The following IGF2R variants were observed in gnomAD, a reference collection of about 807,000 sequenced individuals.
IGF2R encodes the protein cation-independent mannose-6-phosphate receptor.
A neutral mutation model predicts 270.6 loss-of-function variants in IGF2R; 91 were observed. The observed-to-expected ratio is 0.34, with a 90% CI of 0.28 to 0.40. The LOEUF (loss-of-function observed/expected upper bound fraction) is 0.40, where lower values mean the gene tolerates loss of function less well. IGF2R is among the 10% of genes least tolerant of loss of function. The pLI is 1.00. For synonymous variants in IGF2R, 1,316 were observed against 1,258.9 expected (o/e 1.05, Z -0.96); for missense variants, 2,805 against 3,188.3 (o/e 0.88, Z 2.90).
intron 1 of IGF2R, 97 bp downstream of exon 1, chr6:159,969,492 C>T: frequency 1.4e-5 from 13 of 939,822 alleles, no homozygotes; most frequent in Non-Finnish European, 1.2e-5. Context: ...CTGGGGTCTC[C>T]AAGTCGCCTC....
chr6:160,103,680 G>A (rs1031040763), intron 46 of IGF2R, 66 bp from the exon 47 acceptor site: 9 of 1,132,422 alleles, frequency 7.9e-6, no homozygotes, highest in Admixed American at 6.8e-5. Flanking sequence ...TGGGGCTGGC[G>A]GGGGTGGGGC....
intron 5 of IGF2R, among the ~76,000 whole-genome samples, chr6:160,024,956 G>A (rs528900308): frequency 2.6e-5 from 4 of 152,026 alleles, no homozygotes; most frequent in South Asian, 2.1e-4. Context: ...GTGTTCTCTC[G>A]GCCAGACACC....
intron 1 of IGF2R, among the ~76,000 whole-genome samples, chr6:159,980,500 G>A (rs1783782846): frequency 6.6e-6 from 1 of 151,202 alleles, no homozygotes; most frequent in Non-Finnish European, 1.5e-5. Flanking sequence ...AAGGTGGAGA[G>A]GGGCAGCCCC....
intron 23 of IGF2R, 109 bp from the exon 24 acceptor site, chr6:160,061,390 CAGTT>C: frequency 1.1e-6 from 1 of 928,896 alleles, no homozygotes; most frequent in Non-Finnish European, 1.7e-6. Flanking sequence ...CTTATCCTCA[CAGTT>C]AGGAATGCCA....
rs763280318 is a variant in IGF2R, at chr6:160,075,941, A to G, written c.5261A>G (p.Lys1754Arg). 7 of 1,614,232 alleles carry G rather than the reference A, an allele frequency of 4.3e-6. No homozygotes were observed. In the South Asian group the frequency reaches 4.4e-5, roughly 10 times the overall value. Residue 1754 changes from lysine to arginine, a missense_variant, in exon 36 of 48, where the codon AAG (lysine) becomes AGG (arginine). Around this residue, in one of 2 missense-constraint regions of IGF2R, gnomAD observed 1,851 missense variants for 2,207.2 expected, o/e 0.84. Transcript: ENST00000356956. ...FESSTPCLAD[K>R]HFNYTSLIAF... is the part of the protein sequence containing the mutation. ...AGCAGTACTCCTTGCTTAGCGGACA[A>G]GCATTTCAACTACACCTCGCTCATC...
intron 28 of IGF2R, 123 bp downstream of exon 28, chr6:160,064,654 C>A: frequency 2.5e-6 from 3 of 1,205,958 alleles, no homozygotes; most frequent in Non-Finnish European, 3.6e-6. Context: ...TTTAAAATAA[C>A]CATTTACAGA....
In IGF2R at chr6:160,079,757, A is replaced by C; in HGVS notation, c.5656A>C (p.Ser1886Arg). 1.4e-6 allele frequency: 2 copies of C among 1,466,488 alleles called. No homozygotes were observed. Among genetic ancestry groups the C allele is most frequent in the Non-Finnish European group, 1.8e-6 (2 of 1,105,714 alleles). The allele number at this position is 1,466,488 out of a possible 1,614,324, so 90.8% of individuals were successfully genotyped here. ...GCACCAGGATGAAGCGGTCGTTTTA[A>C]GTTACGTGAATGGTGATCGTTGCCC... ...YRHQDEAVVL[S>R]YVNGDRCPPE... Residue 1886 changes from serine to arginine, a missense_variant, in exon 38 of 48, where the codon AGT (serine) becomes CGT (arginine). Coordinates refer to ENST00000356956, the MANE Select transcript of IGF2R (RefSeq NM_000876.4).
At chr6:160,053,112 C>T (rs569988799) in intron 19 of IGF2R, among the ~76,000 whole-genome samples, 33 of 152,200 alleles carry the variant, frequency 2.2e-4, no homozygotes, top group African/African-American at 5.8e-4. Flanking sequence ...ACCTTCTGCA[C>T]GGCAAAAGAA....
At chr6:160,073,728 G>A in intron 34 of IGF2R, 29 bp from the exon 35 acceptor site, 1 of 1,579,602 alleles carries the variant, frequency 6.3e-7, no homozygotes, top group Non-Finnish European at 8.7e-7. Flanking sequence ...TTTTTTTGTA[G>A]ACTCAAAGCA....
intron 2 of IGF2R, chr6:160,003,451 G>C (rs1784161374): frequency 6.6e-6 from 1 of 152,142 alleles, no homozygotes; most frequent in Non-Finnish European, 1.5e-5. Context: ...AGAAGAAGTA[G>C]TACTATATGT....
intron 14 of IGF2R, 138 bp downstream of exon 14, chr6:160,046,020 C>A (rs1380642358): frequency 3.0e-6 from 2 of 675,152 alleles, no homozygotes; most frequent in Non-Finnish European, 4.7e-6. Context: ...TTCTGAACAT[C>A]CGATGTTTGA....
chr6:160,062,557 A>C lies in IGF2R; in HGVS notation c.3608A>C (p.Asp1203Ala). The stretch of plus-strand genomic sequence containing the variant: ...GGCTCACCAGCATTTCAGCTTCAGG[A>C]TGGTTGTGAGTACGTGTTTATCTGG... ...ISGSPAFQLQ[D>A]GCEYVFIWRT... The change falls in exon 26 of 48, where the codon GAT (aspartate) becomes GCT (alanine). Residue 1203 changes from aspartate to alanine, a missense_variant. Asp to Ala is a moderately radical substitution (Grantham distance 126). Around this residue, in one of 2 missense-constraint regions of IGF2R, gnomAD observed 1,851 missense variants for 2,207.2 expected, o/e 0.84. Transcript: ENST00000356956. 3 of 1,613,714 alleles carry C rather than the reference A, an allele frequency of 1.9e-6. No homozygotes were observed. Among genetic ancestry groups the C allele is most frequent in the Non-Finnish European group, 2.5e-6 (3 of 1,179,678 alleles).
chr6:160,035,882 G>T (rs948489360), intron 10 of IGF2R, among the ~76,000 whole-genome samples: 15 of 152,286 alleles, frequency 9.8e-5, no homozygotes, highest in Admixed American at 7.2e-4. Context: ...TCTGGGCTGG[G>T]TGCAGGGGTC....
intron 41 of IGF2R, among the ~76,000 whole-genome samples, chr6:160,086,639 A>T (rs1779102463): frequency 6.6e-6 from 1 of 152,238 alleles, no homozygotes; most frequent in East Asian, 1.9e-4. Context: ...AGTTTTAAAA[A>T]TTTTCCGTAA....
chr6:160,067,814 C>T (rs1372116834), intron 29 of IGF2R, among the ~76,000 whole-genome samples: 5 of 152,172 alleles, frequency 3.3e-5, no homozygotes, highest in African/African-American at 9.7e-5. Flanking sequence ...TAACTGCTGG[C>T]GGCCTTGGTT....
rs547309245 is a variant in IGF2R at position 160,044,418 on chromosome 6, C to A, written c.1622-96C>A. ...TGGGTTTGGGCTGATTTCTTTCTTT[C>A]TTTCTCTTTCTTTCTTTTTTTTTTA... On this transcript the variant is annotated intron_variant, in intron 12 of 47. Coordinates refer to ENST00000356956, the MANE Select transcript of IGF2R (RefSeq NM_000876.4). 9.0e-6 allele frequency: 10 copies of A among 1,113,304 alleles called. No individual in the cohort carries two copies. In the South Asian group the frequency reaches 1.3e-4, roughly 15 times the overall value. The allele number at this position is 1,113,304 out of a possible 1,614,324, so 69.0% of individuals were successfully genotyped here. A position where few individuals can be genotyped will look rare whatever the true frequency, so the allele number is the denominator to read the frequency against.
intron 30 of IGF2R, among the ~76,000 whole-genome samples, chr6:160,069,616 C>T (rs8191871): frequency 0.048 from 7,343 of 152,272 alleles, 275 homozygotes; most frequent in South Asian, 0.16. Flanking sequence ...TCGACTGCTA[C>T]AGCCTAGCTA....
chr6:160,005,255 C>T (rs1697019187), intron 2 of IGF2R: 1 of 152,700 alleles, frequency 6.5e-6, no homozygotes, highest in Non-Finnish European at 1.5e-5. Flanking sequence ...GGGGTTCCGG[C>T]GGGCAGCCGC....
At chr6:160,048,780 A>C (rs1282774474) in intron 18 of IGF2R, among the ~76,000 whole-genome samples, 1 of 152,236 alleles carries the variant, frequency 6.6e-6, no homozygotes, top group African/African-American at 2.4e-5. Flanking sequence ...GATCACACAA[A>C]GGGCAGAGGA....
Sources: gnomAD v4.1 joint callset for allele counts (sites outside exome capture counted in the v4.1 genomes callset) on GRCh38, gnomAD v4.1.1 for gene constraint, gnomAD v4.1.1 regional missense constraint, MANE v1.5 for transcripts, NCBI Gene and HGNC (gene_info 2026-07-23, HGNC 2026-07-21) for gene names.